C11orf91: variants seen among roughly 807,000 people sequenced by gnomAD.
C11orf91 encodes uncharacterized protein C11orf91.
A neutral mutation model predicts 14.3 loss-of-function variants in C11orf91; 10 were observed. The observed-to-expected ratio is 0.70, with a 90% CI of 0.43 to 1.18. The LOEUF (loss-of-function observed/expected upper bound fraction) is 1.18, where lower values mean the gene tolerates loss of function less well. Ranked by LOEUF, C11orf91 falls within the 50% of genes most tolerant of loss-of-function variation. C11orf91 has a pLI of 0.00. For missense variants in C11orf91, 236 were observed against 269.0 expected (o/e 0.88, Z 0.86); for synonymous variants, 141 against 130.6 (o/e 1.08, Z -0.54).
chr11:33,698,296 A>G lies in C11orf91; in HGVS notation c.*133T>C, dbSNP rs936501444. 2 of 650,426 alleles carry G rather than the reference A, an allele frequency of 3.1e-6. No homozygotes were observed. Among genetic ancestry groups the G allele is most frequent in the Non-Finnish European group, 2.7e-6 (1 of 366,216 alleles). 40.3% of individuals were successfully genotyped at this position (650,426 alleles called of 1,614,324 possible). A position where few individuals can be genotyped will look rare whatever the true frequency, so the allele number is the denominator to read the frequency against. On this transcript the variant is annotated 3_prime_UTR_variant, in exon 2 of 2. Coordinates refer to ENST00000379011, the MANE Select transcript of C11orf91 (RefSeq NM_001166692.2). ...AAAGTGGGCACTGTATGTGAAGTAC[A>G]TGCTGGTAGCAACAAGAACAGCGGT...
Position 33,698,396 on chromosome 11 carries a change from G to A in C11orf91, c.*33C>T, listed in dbSNP as rs761466657. 2.3e-6 allele frequency: 3 copies of A among 1,277,464 alleles called. No homozygotes were observed. In the South Asian group the frequency reaches 3.8e-5, roughly 16 times the overall value. 79.1% of individuals were successfully genotyped at this position (1,277,464 alleles called of 1,614,324 possible). A position where few individuals can be genotyped will look rare whatever the true frequency, so the allele number is the denominator to read the frequency against. ...CATTATCTAAGCACTAACACCTAAG[G>A]AGGTGGCTGCCCAAGCTCTGGTAGG... On this transcript the variant is annotated 3_prime_UTR_variant, in exon 2 of 2. Transcript: ENST00000379011.
rs1298449772 is a variant in C11orf91, at chr11:33,700,334, G to C, written c.407C>G (p.Ser136Cys). 1 of 1,535,562 alleles carries C rather than the reference G, an allele frequency of 6.5e-7. No homozygotes were observed. The highest frequency in any genetic ancestry group is 2.0e-5 in the Admixed American group (1 of 50,994). The change falls in exon 1 of 2, where the codon TCC becomes TGC. Residue 136 changes from serine to cysteine, a missense_variant. Coordinates refer to ENST00000379011, the MANE Select transcript of C11orf91 (RefSeq NM_001166692.2). ...CPSTPRLASASHPEELCELEI... is the reference protein window; with the variant it reads ...CPSTPRLASACHPEELCELEI... ...CAGCTCGCAGAGCTCCTCCGGGTGG[G>C]AGGCAGAGGCGAGCCTGGGGGTCGA...
At chr11:33,699,652 A>G (rs1264076602) in intron 1 of C11orf91, 1 of 456,284 alleles carries the variant, frequency 2.2e-6, no homozygotes, top group Admixed American at 2.3e-5. Context: ...TCAGCCCAGG[A>G]TCCTGGTGAG....
At chr11:33,699,383 A>C (rs1853083221) in intron 1 of C11orf91, among the ~76,000 whole-genome samples, 1 of 152,184 alleles carries the variant, frequency 6.6e-6, no homozygotes, top group African/African-American at 2.4e-5. Flanking sequence ...AGTTGGAATG[A>C]TCTTTTTAGA....
chr11:33,706,260 A>G, the C11orf91 span: 1 of 152,150 alleles, frequency 6.6e-6, no homozygotes, highest in Admixed American at 6.5e-5. Flanking sequence ...AGTGTGTATA[A>G]ACAGGAAGCT....
At chr11:33,701,754 A>T (rs1590498881), upstream of C11orf91, among the ~76,000 whole-genome samples, 2 of 148,926 alleles carry the variant, frequency 1.3e-5, no homozygotes, top group East Asian at 4.0e-4. Flanking sequence ...CACAGTGCAA[A>T]GTGTGTGTGT....
upstream of C11orf91, chr11:33,705,281 C>T (rs1336021807): frequency 2.0e-5 from 3 of 152,234 alleles, no homozygotes; most frequent in Non-Finnish European, 4.4e-5. Flanking sequence ...CCACAAGCAA[C>T]AGAAGCTTAC....
rs1329172774 is a variant in C11orf91, at chr11:33,698,451, T to C, written c.560A>G (p.Lys187Arg). ...LQGLKTKQPG[K>R]KSASLS is the part of the protein sequence containing the mutation. The stretch of plus-strand genomic sequence containing the variant: ...TCCTCAGGAGAGAGAGGCCGACTTC[T>C]TTCCAGGTTGCTTGGTCTTCAGTCC... Residue 187 changes from lysine to arginine, a missense_variant, in exon 2 of 2, where the codon AAG (lysine) becomes AGG (arginine). Coordinates refer to ENST00000379011, the MANE Select transcript of C11orf91 (RefSeq NM_001166692.2). 3.9e-6 allele frequency: 6 copies of C among 1,537,392 alleles called. No homozygotes were observed. The African/African-American group carries it at 5.5e-5, about 14-fold the overall frequency.
rs1170134506 is a variant in C11orf91, at chr11:33,699,022, G to C, written c.497-508C>G. On this transcript the variant is annotated intron_variant, in intron 1 of 1. Transcript: ENST00000379011. ...CCTCAATGATCCTCTTGTTGGTCAG[G>C]CTCCTGACCTCAAATGATCCACCCG... Among the ~76,000 whole-genome samples the C allele has an allele frequency of 4.6e-5, 7 of 151,980 alleles. 1 individual carries two copies. In the East Asian group the frequency reaches 1.4e-3, roughly 29 times the overall value.
At chr11:33,701,422 T>C (rs975759387), upstream of C11orf91, among the ~76,000 whole-genome samples, 8 of 152,360 alleles carry the variant, frequency 5.3e-5, no homozygotes, top group African/African-American at 1.7e-4. Context: ...TTCAGTGAAA[T>C]GCAGTTTAGT....
chr11:33,699,566 C>T (rs926962605), intron 1 of C11orf91: 23 of 456,328 alleles, frequency 5.0e-5, no homozygotes, highest in Non-Finnish European at 3.1e-5. Context: ...AGTCATTCAG[C>T]TCGTAGGCTG....
Position 33,700,794 on chromosome 11 carries a change from A to G in C11orf91, c.-54T>C. The G allele has an allele frequency of 8.0e-7, 1 of 1,257,684 alleles. No individual in the cohort carries two copies. Among genetic ancestry groups the G allele is most frequent in the Non-Finnish European group, 1.0e-6 (1 of 1,003,020 alleles). The allele number at this position is 1,257,684 out of a possible 1,614,324, so 77.9% of individuals were successfully genotyped here. Reference sequence around the variant, plus strand: ...ACCCCGCGCCGGGAGACGCGCGCTCAGGCCCCGAGTCGCCGGGGTTTCGAG... The same window carrying G: ...ACCCCGCGCCGGGAGACGCGCGCTCGGGCCCCGAGTCGCCGGGGTTTCGAG... On this transcript the variant is annotated 5_prime_UTR_variant, in exon 1 of 2. Transcript: ENST00000379011.
At chr11:33,702,235 T>C (rs1324007638), upstream of C11orf91, among the ~76,000 whole-genome samples, 1 of 152,200 alleles carries the variant, frequency 6.6e-6, no homozygotes, top group Non-Finnish European at 1.5e-5. Context: ...GTGGGATCTC[T>C]TGAGGCCAAG....
chr11:33,703,059 A>C (rs1336349830), upstream of C11orf91: 1 of 152,272 alleles, frequency 6.6e-6, no homozygotes, highest in African/African-American at 2.4e-5. Context: ...AAGCAATACA[A>C]TCATTTTTTA....
upstream of C11orf91, among the ~76,000 whole-genome samples, chr11:33,701,080 C>T (rs1853119020): frequency 6.6e-6 from 1 of 152,246 alleles, no homozygotes; most frequent in Admixed American, 6.5e-5. Flanking sequence ...TACCCTCATC[C>T]AGAACAGGCA....
rs1853061547 is a variant in C11orf91, at chr11:33,698,433, G to A, written c.578C>T (p.Ser193Phe). Residue 193 changes from serine (S) to phenylalanine (F), a missense_variant, in exon 2 of 2, where the codon TCC becomes TTC. Transcript: ENST00000379011. ...KQPGKKSASL[S>F] is the part of the protein sequence containing the mutation. Reference sequence around the variant, plus strand: ...CAAGCTCTGGTAGGCAGCTCCTCAGGAGAGAGAGGCCGACTTCTTTCCAGG... The same window carrying A: ...CAAGCTCTGGTAGGCAGCTCCTCAGAAGAGAGAGGCCGACTTCTTTCCAGG... 1 of 1,535,790 alleles carries A rather than the reference G, an allele frequency of 6.5e-7. No individual in the cohort carries two copies. The highest frequency in any genetic ancestry group is 8.7e-7 in the Non-Finnish European group (1 of 1,145,402).
chr11:33,704,138 C>G (rs1243132334), upstream of C11orf91: 1 of 152,180 alleles, frequency 6.6e-6, no homozygotes, highest in Admixed American at 6.5e-5. Context: ...TTGCCGTGCC[C>G]GGTGGCTCTG....
At chr11:33,698,546 T>A (rs1244085191) in intron 1 of C11orf91, 32 bp from the exon 2 acceptor site, 4 of 1,452,402 alleles carry the variant, frequency 2.8e-6, no homozygotes, top group Non-Finnish European at 2.8e-6. Context: ...TTAGCCGTAA[T>A]AGAGATAAGG....
chr11:33,699,456 A>G, intron 1 of C11orf91: 1 of 428,812 alleles, frequency 2.3e-6, no homozygotes, highest in Non-Finnish European at 4.7e-6. Context: ...TGGGAAAGAC[A>G]AAGTCTGCAG....
Sources: gnomAD v4.1 joint callset for allele counts (sites outside exome capture counted in the v4.1 genomes callset) on GRCh38, gnomAD v4.1.1 for gene constraint, MANE v1.5 for transcripts, NCBI Gene and HGNC (gene_info 2026-07-23, HGNC 2026-07-21) for gene names.